The following STK32C variants were observed in gnomAD, a reference collection of about 807,000 sequenced individuals.
STK32C encodes the protein serine/threonine kinase 32C.
In STK32C, 31 loss-of-function variants were observed where a neutral mutation model predicts 56.5. The observed-to-expected ratio is 0.55, with a 90% CI of 0.41 to 0.74. The LOEUF is 0.74. Ranked by LOEUF, STK32C falls within the 30% of genes least tolerant of loss-of-function variation. The pLI is 0.00. For missense variants in STK32C, 544 were observed against 676.9 expected, an observed-to-expected ratio of 0.80 and a Z score of 2.18; for synonymous variants, 309 against 289.4, an observed-to-expected ratio of 1.07 and a Z score of -0.69.
chr10:132,319,150 T>G (rs527409159), downstream of STK32C, among the ~76,000 whole-genome samples: 2 of 147,658 alleles, frequency 1.4e-5, no homozygotes, highest in South Asian at 4.2e-4. Context: ...GGTTTCACCA[T>G]GTTGGCCAGG....
intron 1 of STK32C, among the ~76,000 whole-genome samples, chr10:132,250,535 G>A: frequency 8.1e-6 from 1 of 124,212 alleles, no homozygotes; most frequent in South Asian, 3.1e-4. Context: ...AGGCGCACGG[G>A]ACAGGTCACT....
intron 2 of STK32C, among the ~76,000 whole-genome samples, chr10:132,234,569 A>C: frequency 6.6e-6 from 1 of 151,942 alleles, no homozygotes; most frequent in East Asian, 1.9e-4. Flanking sequence ...CACCCTCCAC[A>C]CCCTGCATCC....
At chr10:132,298,467 C>T (rs1249070651) in intron 1 of STK32C, among the ~76,000 whole-genome samples, 2 of 152,206 alleles carry the variant, frequency 1.3e-5, no homozygotes, top group Non-Finnish European at 2.9e-5. Context: ...CAGCCCCTTC[C>T]GATGCGGGGT....
chr10:132,215,926 C>A (rs2062456578), intron 10 of STK32C, among the ~76,000 whole-genome samples: 1 of 152,196 alleles, frequency 6.6e-6, no homozygotes, highest in Non-Finnish European at 1.5e-5. Flanking sequence ...AGATGAGGAA[C>A]TTGTTGGGAA....
intron 1 of STK32C, among the ~76,000 whole-genome samples, chr10:132,275,552 C>G (rs1229633491): frequency 6.6e-6 from 1 of 152,236 alleles, no homozygotes; most frequent in African/African-American, 2.4e-5. Context: ...TCAGTGCCCG[C>G]TCTTCCTTCT....
intron 2 of STK32C, among the ~76,000 whole-genome samples, chr10:132,232,088 G>A (rs1343659086): frequency 6.6e-6 from 1 of 152,254 alleles, no homozygotes; most frequent in African/African-American, 2.4e-5. Context: ...CACGCCTGCA[G>A]GCAGCAGCCT....
rs146335761 is a variant in STK32C at position 132,312,982 on chromosome 10, G to A, written c.301+18454C>T. ...CCGAACCTGTGAGGTGGAGATTGCT[G>A]TGAGCCGAGATCACGCCACTGCACT... On this transcript the variant is annotated intron_variant, in intron 1 of 3. Coordinates refer to the STK32C transcript ENST00000368620. Among the ~76,000 whole-genome samples the A allele has an allele frequency of 7.7e-4, 117 of 152,348 alleles. No homozygotes were observed. In the East Asian group the frequency reaches 0.02, roughly 26 times the overall value.
intron 1 of STK32C, among the ~76,000 whole-genome samples, chr10:132,290,405 T>C (rs1590407135): frequency 1.3e-5 from 2 of 152,370 alleles, no homozygotes; most frequent in Admixed American, 1.3e-4. Flanking sequence ...ACCCGGCCCC[T>C]GCCCACATGG....
chr10:132,211,750 G>T (rs1188281765), intron 10 of STK32C, among the ~76,000 whole-genome samples: 2 of 152,324 alleles, frequency 1.3e-5, no homozygotes, highest in South Asian at 2.1e-4. Flanking sequence ...ACTGGTGTGG[G>T]TGTTTGAGAG....
rs778832907 is a variant in STK32C at position 132,307,883 on chromosome 10, G to A, written c.-50C>T. 7.0e-6 allele frequency: 8 copies of A among 1,140,000 alleles called. No homozygotes were observed. The highest frequency in any genetic ancestry group is 1.7e-5 in the African/African-American group (1 of 58,286). The allele number at this position is 1,140,000 out of a possible 1,614,324, so 70.6% of individuals were successfully genotyped here. ...GCCGGAACTCGGGGCATGGCCGGCC[G>A]GCAGGGCCGGGAGCGGCAGTGGTAG... On this transcript the variant is annotated 5_prime_UTR_variant, in exon 1 of 12. Coordinates refer to ENST00000298630, the MANE Select transcript of STK32C (RefSeq NM_173575.4). This position sits in a 1 kb window ranked among gnomAD's most constrained non-coding sequence, Gnocchi z 4.4.
intron 2 of STK32C, among the ~76,000 whole-genome samples, chr10:132,228,934 T>C (rs2062996808): frequency 6.6e-6 from 1 of 152,220 alleles, no homozygotes; most frequent in Non-Finnish European, 1.5e-5. Context: ...AGTCCCCACA[T>C]AGCTCTTCAG....
intron 2 of STK32C, among the ~76,000 whole-genome samples, chr10:132,234,596 C>T (rs866307047): frequency 6.6e-6 from 1 of 152,214 alleles, no homozygotes; most frequent in Non-Finnish European, 1.5e-5. Context: ...CTGTATGGCC[C>T]CTTCTGAGCT....
At chr10:132,282,305 C>T (rs890833901) in intron 1 of STK32C, among the ~76,000 whole-genome samples, 2 of 152,362 alleles carry the variant, frequency 1.3e-5, no homozygotes, top group South Asian at 2.1e-4. Context: ...TTCCCCAGGC[C>T]GTCCAGAGTC....
intron 1 of STK32C, among the ~76,000 whole-genome samples, chr10:132,277,062 G>A (rs1464171536): frequency 6.6e-6 from 1 of 152,258 alleles, no homozygotes; most frequent in African/African-American, 2.4e-5. Flanking sequence ...AGTAAGGAAA[G>A]GCATTATTTC....
chr10:132,270,936 A>AT (rs140752123), intron 1 of STK32C, among the ~76,000 whole-genome samples: 19,648 of 152,032 alleles, frequency 0.13, 2,082 homozygotes, highest in African/African-American at 0.29. Flanking sequence ...GCAACAGCCA[A>AT]TAAGGGTAGG....
chr10:132,251,149 CATGTGGT>C (rs2063890242), intron 1 of STK32C, among the ~76,000 whole-genome samples: 1 of 152,192 alleles, frequency 6.6e-6, no homozygotes, highest in Non-Finnish European at 1.5e-5. Context: ...TAGGAGCCAC[CATGTGGT>C]CACCCAACAG....
intron 1 of STK32C, among the ~76,000 whole-genome samples, chr10:132,295,940 A>G (rs1301751036): frequency 6.6e-6 from 1 of 151,742 alleles, no homozygotes; most frequent in African/African-American, 2.4e-5. Flanking sequence ...TGAGGGGACC[A>G]TAACTACCCC....
At chr10:132,213,713 C>A (rs770799669) in intron 10 of STK32C, among the ~76,000 whole-genome samples, 3 of 152,092 alleles carry the variant, frequency 2.0e-5, no homozygotes, top group Non-Finnish European at 4.4e-5. Flanking sequence ...AATTATCAAA[C>A]AGGAAATTTG....
chr10:132,270,918 C>G (rs952411065), intron 1 of STK32C, among the ~76,000 whole-genome samples: 1 of 150,730 alleles, frequency 6.6e-6, no homozygotes, highest in Non-Finnish European at 1.5e-5. Flanking sequence ...ATGCAGCCCC[C>G]CTCCAGAGCA....
Sources: gnomAD v4.1 joint callset for allele counts (sites outside exome capture counted in the v4.1 genomes callset) on GRCh38, gnomAD v4.1.1 for gene constraint, Gnocchi (gnomAD v3.1) non-coding constraint, MANE v1.5 for transcripts, NCBI Gene and HGNC (gene_info 2026-07-23, HGNC 2026-07-21) for gene names.